The following CNTN3 variants were observed in gnomAD, a reference collection of about 807,000 sequenced individuals.
CNTN3 encodes the protein contactin 3.
A neutral mutation model predicts 119.1 loss-of-function variants in CNTN3; 60 were observed. The observed-to-expected ratio is 0.50, with a 90% CI of 0.41 to 0.62. CNTN3 has a LOEUF of 0.62. Ranked by LOEUF, CNTN3 falls within the 20% of genes least tolerant of loss-of-function variation. CNTN3 has a pLI of 0.00. For missense variants in CNTN3, 1,101 were observed against 1,242.4 expected, an observed-to-expected ratio of 0.89 and a Z score of 1.71; for synonymous variants, 450 against 438.7, an observed-to-expected ratio of 1.03 and a Z score of -0.32.
chr3:74,520,783 G>A, intron 2 of CNTN3, among the ~76,000 whole-genome samples: 1 of 151,332 alleles, frequency 6.6e-6, no homozygotes, highest in East Asian at 2.0e-4. Flanking sequence ...CAAATTTGAT[G>A]TTATATTCAT....
intron 2 of CNTN3, among the ~76,000 whole-genome samples, chr3:74,512,113 C>A (rs1703376671): frequency 6.6e-6 from 1 of 152,046 alleles, no homozygotes; most frequent in Non-Finnish European, 1.5e-5. Context: ...GCAGCAGTGG[C>A]AATGCAATAA....
intron 1 of CNTN3, among the ~76,000 whole-genome samples, chr3:74,529,463 C>T (rs1304162162): frequency 6.7e-6 from 1 of 150,138 alleles, no homozygotes; most frequent in East Asian, 2.1e-4. Context: ...GCCATAAATT[C>T]ACTTTTAGAA....
chr3:74,602,295 C>CAAAAAAAAAAAAAAAAAAAAA (rs1167052275), intron 1 of CNTN3, among the ~76,000 whole-genome samples: 2 of 19,688 alleles, frequency 1.0e-4, no homozygotes, highest in Non-Finnish European at 2.9e-4. Context: ...GACCTGGTCT[C>CAAAAAAAAAAAAAAAAAAAAA]AAAAAAAAAA....
chr3:74,300,235 G>A (rs1445317359), intron 16 of CNTN3, among the ~76,000 whole-genome samples: 1 of 152,164 alleles, frequency 6.6e-6, no homozygotes, highest in Non-Finnish European at 1.5e-5. Context: ...ACAAGAAAAA[G>A]TGATTCACTG....
At chr3:74,591,919 G>A (rs1704709237) in intron 1 of CNTN3, among the ~76,000 whole-genome samples, 1 of 152,002 alleles carries the variant, frequency 6.6e-6, no homozygotes, top group East Asian at 1.9e-4. Flanking sequence ...CAGAGATGTA[G>A]AGAGGATGGG....
At chr3:74,279,924 A>G (rs1701966888) in intron 20 of CNTN3, among the ~76,000 whole-genome samples, 1 of 152,162 alleles carries the variant, frequency 6.6e-6, no homozygotes, top group African/African-American at 2.4e-5. Context: ...GGACAAAAAA[A>G]TAGAATGACT....
At chr3:74,380,713 G>A (rs973418055) in intron 5 of CNTN3, among the ~76,000 whole-genome samples, 1 of 152,128 alleles carries the variant, frequency 6.6e-6, no homozygotes, top group African/African-American at 2.4e-5. Context: ...CAGTTTGCAA[G>A]TGATACAAAA....
At chr3:74,326,925 G>C (rs1703146087) in intron 13 of CNTN3, among the ~76,000 whole-genome samples, 1 of 151,956 alleles carries the variant, frequency 6.6e-6, no homozygotes, top group Non-Finnish European at 1.5e-5. Context: ...TTTGGGATGT[G>C]GAAGAAGTAT....
intron 4 of CNTN3, among the ~76,000 whole-genome samples, chr3:74,449,254 A>G (rs1368499998): frequency 6.6e-6 from 1 of 152,016 alleles, no homozygotes; most frequent in Non-Finnish European, 1.5e-5. Flanking sequence ...AGGAAGACAA[A>G]GTAAAAGAAA....
At chr3:74,339,935 A>T (rs1351533069) in intron 11 of CNTN3, among the ~76,000 whole-genome samples, 1 of 124,636 alleles carries the variant, frequency 8.0e-6, no homozygotes, top group African/African-American at 3.0e-5. Context: ...AGATAGATAG[A>T]TAGATAGCCA....
chr3:74,400,482 T>C (rs1020207909), intron 5 of CNTN3, among the ~76,000 whole-genome samples: 6 of 152,132 alleles, frequency 3.9e-5, no homozygotes, highest in African/African-American at 1.4e-4. Context: ...TTTGTAGGGC[T>C]CCAGTGTGGA....
intron 1 of CNTN3, among the ~76,000 whole-genome samples, chr3:74,550,112 C>T (rs983066873): frequency 4.6e-5 from 7 of 152,220 alleles, no homozygotes; most frequent in African/African-American, 1.7e-4. Flanking sequence ...TGGAATGGGG[C>T]ATGAGCTGGG....
chr3:74,316,540 G>A (rs771469326), intron 13 of CNTN3, among the ~76,000 whole-genome samples: 50 of 152,270 alleles, frequency 3.3e-4, no homozygotes, highest in Middle Eastern at 3.4e-3. Context: ...GCACCCATAT[G>A]TTCACCACAG....
chr3:74,563,229 T>G (rs985622501), intron 1 of CNTN3, among the ~76,000 whole-genome samples: 12 of 152,136 alleles, frequency 7.9e-5, no homozygotes, highest in African/African-American at 2.4e-5. Context: ...TCATTTCTCC[T>G]CTTCAGAATA....
intron 2 of CNTN3, among the ~76,000 whole-genome samples, chr3:74,502,068 T>C (rs1315987835): frequency 6.6e-6 from 1 of 152,190 alleles, no homozygotes; most frequent in African/African-American, 2.4e-5. Context: ...AACATTTTTC[T>C]AGTGTAATAG....
intron 13 of CNTN3, among the ~76,000 whole-genome samples, chr3:74,307,029 G>C (rs940523985): frequency 3.9e-5 from 6 of 152,108 alleles, no homozygotes; most frequent in Non-Finnish European, 7.4e-5. Context: ...GCTCATTTGA[G>C]CTAAGATTTA....
chr3:74,578,732 G>C (rs909469531), intron 1 of CNTN3, among the ~76,000 whole-genome samples: 30 of 152,096 alleles, frequency 2.0e-4, no homozygotes, highest in African/African-American at 7.2e-4. Context: ...TACTAGCCTT[G>C]ATTTTCAAAC....
chr3:74,268,949 G>T (rs1455316328), intron 20 of CNTN3, among the ~76,000 whole-genome samples: 1 of 150,870 alleles, frequency 6.6e-6, no homozygotes, highest in African/African-American at 2.4e-5. Context: ...AGGGAGAAAT[G>T]ACTGCAAATA....
rs1249365449 is a variant in CNTN3, at chr3:74,523,763, GA to G, written c.-80-2572del. On this transcript the variant is annotated intron_variant, in intron 1 of 22. Transcript: ENST00000263665. ...ATGAAGCTCTGCCCTATGTCATTTG[GA>G]AAAAAATACATGGTCTGCATCCTAA... is the stretch of plus-strand genomic sequence containing the variant. Among the ~76,000 whole-genome samples the G allele has an allele frequency of 2.0e-5, 3 of 151,740 alleles. No homozygotes were observed. The East Asian group carries it at 5.9e-4, about 30-fold the overall frequency.
Sources: allele counts gnomAD v4.1 joint callset (sites outside exome capture counted in the v4.1 genomes callset), GRCh38; gene constraint gnomAD v4.1.1; transcripts MANE v1.5; gene names NCBI Gene and HGNC (gene_info 2026-07-23, HGNC 2026-07-21).